FSHR: variants seen among roughly 807,000 people sequenced by gnomAD.
FSHR encodes the protein follicle stimulating hormone receptor.
Under a neutral mutation model 52.1 loss-of-function variants are expected in FSHR, and 46 were observed. That is an observed-to-expected ratio of 0.88 (90% CI 0.70 to 1.13). The LOEUF is 1.13. Among genes scored for constraint, FSHR ranks in the 50% most tolerant of loss-of-function variants. The pLI, the probability that FSHR is intolerant of heterozygous loss-of-function variation, is 0.00. For synonymous variants in FSHR, 399 were observed against 309.6 expected, an observed-to-expected ratio of 1.29 and a Z score of -3.03; for missense variants, 964 against 834.6, an observed-to-expected ratio of 1.16 and a Z score of -1.91.
intron 9 of FSHR, among the ~76,000 whole-genome samples, chr2:48,964,672 G>T (rs1031375534): frequency 2.0e-4 from 31 of 152,106 alleles, no homozygotes; most frequent in Admixed American, 6.5e-5. Flanking sequence ...AACAATGCAA[G>T]CTGCAAAAGG....
intron 2 of FSHR, among the ~76,000 whole-genome samples, chr2:49,064,464 C>T (rs1669431468): frequency 6.6e-6 from 1 of 152,098 alleles, no homozygotes; most frequent in Admixed American, 6.6e-5. Context: ...TTTGCCCTTC[C>T]ACCTTCCACC....
intron 4 of FSHR, among the ~76,000 whole-genome samples, chr2:48,995,224 G>A (rs534994282): frequency 4.6e-5 from 7 of 152,032 alleles, no homozygotes; most frequent in African/African-American, 9.7e-5. Context: ...ACAGTGTGCC[G>A]GTTTCAGGGA....
chr2:49,092,300 A>C (rs542185462), intron 1 of FSHR, among the ~76,000 whole-genome samples: 1 of 152,320 alleles, frequency 6.6e-6, no homozygotes, highest in South Asian at 2.1e-4. Flanking sequence ...CTATGTAGAC[A>C]ATCAGGTAAT....
At chr2:49,084,847 T>C (rs1326686281) in intron 1 of FSHR, among the ~76,000 whole-genome samples, 2 of 152,154 alleles carry the variant, frequency 1.3e-5, no homozygotes, top group African/African-American at 4.8e-5. Context: ...ATTGTGGCAA[T>C]AATCAATAGC....
At chr2:49,071,669 A>G (rs564951804) in intron 1 of FSHR, among the ~76,000 whole-genome samples, 2 of 151,428 alleles carry the variant, frequency 1.3e-5, no homozygotes, top group East Asian at 4.1e-4. Context: ...TATAAAGAAA[A>G]AGTTTATTTC....
In FSHR at chr2:49,040,993, G is replaced by A. The variant is rs117347337; in HGVS notation, c.225-20833C>T. 4.2e-3 allele frequency among the ~76,000 whole-genome samples: 636 copies of A among 152,182 alleles called. 12 individuals carry two copies. The East Asian group carries it at 0.047, about 11-fold the overall frequency. ...GGGATAGATGGTTTCTTTCATTGTC[G>A]GTCTATGATACTATTACCTGAGCTA... On this transcript the variant is annotated intron_variant, in intron 2 of 9. Coordinates refer to ENST00000406846, the MANE Select transcript of FSHR (RefSeq NM_000145.4).
At position 49,001,107 on chromosome 2, in the gene FSHR, C is replaced by T. The variant is rs148277175; in HGVS notation, c.375-10470G>A. Among the ~76,000 whole-genome samples, 64 of 152,198 alleles carry T rather than the reference C, an allele frequency of 4.2e-4. No individual in the cohort carries two copies. The East Asian group carries it at 0.012, about 29-fold the overall frequency. On this transcript the variant is annotated intron_variant, in intron 4 of 9. Transcript: ENST00000406846. ...GAGAGGCAAGGCTTACAGAGAGTAACTGACCTGCTCAAAATTTCTAGATCT... is the reference window on the plus strand; with the variant it reads ...GAGAGGCAAGGCTTACAGAGAGTAATTGACCTGCTCAAAATTTCTAGATCT...
At chr2:49,123,402 G>A (rs1030914121) in intron 1 of FSHR, among the ~76,000 whole-genome samples, 15 of 151,984 alleles carry the variant, frequency 9.9e-5, no homozygotes, top group Admixed American at 8.5e-4. Context: ...TAGGAGTATC[G>A]CTTGAGCCCA....
chr2:48,998,129 A>AT (rs1174130285), intron 4 of FSHR, among the ~76,000 whole-genome samples: 18 of 150,570 alleles, frequency 1.2e-4, no homozygotes, highest in East Asian at 9.8e-4. Context: ...TGACTTATAC[A>AT]TTTTTTTTTC....
At chr2:49,081,008 C>G (rs1219420623) in intron 1 of FSHR, among the ~76,000 whole-genome samples, 13 of 152,156 alleles carry the variant, frequency 8.5e-5, no homozygotes, top group Admixed American at 8.5e-4. Context: ...TCTGGCTGCC[C>G]GTTCCTATGG....
intron 4 of FSHR, among the ~76,000 whole-genome samples, chr2:49,013,849 G>A (rs1376288101): frequency 2.0e-5 from 3 of 152,046 alleles, no homozygotes; most frequent in African/African-American, 7.2e-5. Flanking sequence ...GCCTCTGGAA[G>A]GTGATTAGAG....
intron 1 of FSHR, among the ~76,000 whole-genome samples, chr2:49,115,076 G>C (rs1250576344): frequency 6.7e-6 from 1 of 150,284 alleles, no homozygotes; most frequent in African/African-American, 2.5e-5. Flanking sequence ...ATGGAAAGGA[G>C]CTGGCTCACT....
intron 8 of FSHR, among the ~76,000 whole-genome samples, chr2:48,970,177 G>A (rs968833806): frequency 6.6e-6 from 1 of 152,164 alleles, no homozygotes; most frequent in African/African-American, 2.4e-5. Context: ...TGCTTTCATT[G>A]TATAATTATC....
chr2:49,114,770 C>G (rs1422577590), intron 1 of FSHR, among the ~76,000 whole-genome samples: 1 of 151,808 alleles, frequency 6.6e-6, no homozygotes. Flanking sequence ...ACTGAGGCAC[C>G]CAGAATTCAA....
intron 1 of FSHR, among the ~76,000 whole-genome samples, chr2:49,103,505 T>G (rs1042534923): frequency 6.6e-6 from 1 of 152,092 alleles, no homozygotes; most frequent in Non-Finnish European, 1.5e-5. Context: ...TTGTGCATAG[T>G]TGTGATCCTC....
intron 4 of FSHR, among the ~76,000 whole-genome samples, chr2:48,991,415 T>C (rs1342416492): frequency 1.3e-5 from 2 of 151,432 alleles, no homozygotes; most frequent in East Asian, 1.9e-4. Flanking sequence ...ATTTAAAAAA[T>C]TGGTCCTCAG....
intron 4 of FSHR, chr2:48,997,365 G>C (rs916118895): frequency 1.0e-6 from 1 of 984,978 alleles, no homozygotes; most frequent in East Asian, 1.1e-4. Flanking sequence ...GTAATCAGGG[G>C]AAATTTAAGG....
intron 1 of FSHR, among the ~76,000 whole-genome samples, chr2:49,127,829 C>CT (rs1672092224): frequency 2.4e-5 from 1 of 40,908 alleles, no homozygotes; most frequent in Non-Finnish European, 4.2e-5. Context: ...TCTTCTTCTT[C>CT]CTCTTCTTCT....
At chr2:49,047,587 G>C (rs1668708007) in intron 2 of FSHR, among the ~76,000 whole-genome samples, 1 of 152,180 alleles carries the variant, frequency 6.6e-6, no homozygotes, top group East Asian at 1.9e-4. Context: ...GTTCCACCCT[G>C]ACTAAAATCC....
Sources: gnomAD v4.1 joint callset for allele counts (sites outside exome capture counted in the v4.1 genomes callset) on GRCh38, gnomAD v4.1.1 for gene constraint, MANE v1.5 for transcripts, NCBI Gene and HGNC (gene_info 2026-07-23, HGNC 2026-07-21) for gene names.